Variants in CACHD1 observed in about 807,000 individuals in gnomAD.
CACHD1 encodes VWFA and cache domain-containing protein 1.
In CACHD1, 71 loss-of-function variants were observed where a neutral mutation model predicts 138.7. The ratio of observed to expected loss-of-function variants is 0.51; its 90% CI spans 0.42 to 0.62. The LOEUF (loss-of-function observed/expected upper bound fraction) is 0.62. Among genes scored for constraint, CACHD1 ranks in the 20% least tolerant of loss-of-function variants. The pLI is 0.00. For missense variants in CACHD1, 1,389 were observed against 1,625.3 expected (o/e 0.85, Z 2.50); for synonymous variants, 578 against 591.5 (o/e 0.98, Z 0.33).
rs376228297 is a variant in CACHD1, at chr1:64,646,386, G to A, written c.1157-1415G>A. 2.0e-5 allele frequency among the ~76,000 whole-genome samples: 3 copies of A among 152,118 alleles called. No homozygotes were observed. The East Asian group carries it at 5.8e-4, about 29-fold the overall frequency. On this transcript the variant is annotated intron_variant, in intron 8 of 26. Coordinates refer to ENST00000651257, the MANE Select transcript of CACHD1 (RefSeq NM_020925.4). Reference sequence around the variant, plus strand: ...GTATTTTTTGCTTTCCTTTAGCATTGCATGAGTGGAGCAAAAGTCAAGTTT... The same window carrying A: ...GTATTTTTTGCTTTCCTTTAGCATTACATGAGTGGAGCAAAAGTCAAGTTT...
At chr1:64,481,947 A>G (rs906519440) in intron 1 of CACHD1, among the ~76,000 whole-genome samples, 1 of 152,186 alleles carries the variant, frequency 6.6e-6, no homozygotes, top group African/African-American at 2.4e-5. Flanking sequence ...ATATAGGAAA[A>G]AATATATTAC....
At chr1:64,590,138 T>C (rs539869388) in intron 3 of CACHD1, among the ~76,000 whole-genome samples, 205 of 152,062 alleles carry the variant, frequency 1.3e-3, no homozygotes, top group African/African-American at 4.8e-3. Context: ...AAAACCCGTC[T>C]CTACTAAAAA....
rs1302976367 is a variant in CACHD1, at chr1:64,673,435, A to G, written c.2698A>G (p.Arg900Gly). 6.2e-7 allele frequency: 1 copy of G among 1,613,988 alleles called. No individual in the cohort carries two copies. Among genetic ancestry groups the G allele is most frequent in the African/African-American group, 1.3e-5 (1 of 74,906 alleles). Reference sequence around the variant, plus strand: ...CAGCTTCAGTGACAGAACGGTCCAGAGGTTTTATAAATTCAACACCAGCCT... The same window carrying G: ...CAGCTTCAGTGACAGAACGGTCCAGGGGTTTTATAAATTCAACACCAGCCT... ...CNSFSDRTVQ[R>G]FYKFNTSLAG... The change falls in exon 19 of 27, where the codon AGG (arginine) becomes GGG (glycine). Residue 900 changes from arginine to glycine, a missense_variant. Around this residue, in one of 5 missense-constraint regions of CACHD1, gnomAD observed 50 missense variants for 108.2 expected, o/e 0.46. Transcript: ENST00000651257.
At chr1:64,681,573 T>C (rs1650193588) in intron 25 of CACHD1, among the ~76,000 whole-genome samples, 1 of 145,952 alleles carries the variant, frequency 6.9e-6, no homozygotes, top group Non-Finnish European at 1.5e-5. Context: ...TTGCATTAAG[T>C]GTGTTGGCCT....
chr1:64,524,187 T>A (rs1176659453), intron 1 of CACHD1, among the ~76,000 whole-genome samples: 1 of 152,218 alleles, frequency 6.6e-6, no homozygotes, highest in Non-Finnish European at 1.5e-5. Flanking sequence ...CTGACTCTTT[T>A]GTTTTTGTTT....
chr1:64,509,235 A>G (rs1435226977), intron 1 of CACHD1, among the ~76,000 whole-genome samples: 1 of 152,028 alleles, frequency 6.6e-6, no homozygotes, highest in Non-Finnish European at 1.5e-5. Context: ...AACTCCCTCT[A>G]CCTTGGCATC....
chr1:64,675,687 A>G (rs1649962337), intron 20 of CACHD1, 126 bp downstream of exon 20: 2 of 1,200,890 alleles, frequency 1.7e-6, no homozygotes, highest in African/African-American at 3.0e-5. Flanking sequence ...AGTCACAGTT[A>G]CAAAGCCACT....
intron 1 of CACHD1, among the ~76,000 whole-genome samples, chr1:64,505,552 C>T (rs1317552950): frequency 1.4e-5 from 2 of 143,918 alleles, no homozygotes; most frequent in Non-Finnish European, 3.1e-5. Context: ...CGCCCCGCCC[C>T]GCCCCCTCCT....
intron 8 of CACHD1, among the ~76,000 whole-genome samples, chr1:64,646,173 A>C (rs953175958): frequency 6.6e-6 from 1 of 152,090 alleles, no homozygotes; most frequent in Non-Finnish European, 1.5e-5. Flanking sequence ...AAAGAAGGGA[A>C]ATTTAGTTAT....
In CACHD1 at chr1:64,543,866, C is replaced by CTTTTT. The variant is rs370129207; in HGVS notation, c.199-6709_199-6705dup. 1.5e-3 allele frequency among the ~76,000 whole-genome samples: 118 copies of CTTTTT among 77,464 alleles called. 1 individual carries two copies. The highest frequency in any genetic ancestry group is 0.013 in the Middle Eastern group (1 of 76). The allele number at this position is 77,464 out of a possible 152,430, so 50.8% of individuals were successfully genotyped here. On this transcript the variant is annotated intron_variant, in intron 1 of 26. Coordinates refer to ENST00000651257, the MANE Select transcript of CACHD1 (RefSeq NM_020925.4). ...GTTTTCATTAATTACCTTTTCAGTG[C>CTTTTT]TTTTTTTTTTTTTTTTTTTTTTTGG...
intron 1 of CACHD1, among the ~76,000 whole-genome samples, chr1:64,537,226 C>T (rs1033355145): frequency 4.0e-5 from 6 of 151,298 alleles, no homozygotes; most frequent in East Asian, 3.9e-4. Flanking sequence ...CCGATGATTG[C>T]GTTTTCCCCT....
Position 64,666,675 on chromosome 1 carries a change from C to T in CACHD1, c.2387+508C>T, listed in dbSNP as rs369029366. ...GCGGATCACTTGAGACCAGGAGTTC[C>T]GGACCAGCCTGAGCAACATAGCGAG... On this transcript the variant is annotated intron_variant, in intron 16 of 26. Transcript: ENST00000651257. Among the ~76,000 whole-genome samples the T allele has an allele frequency of 4.2e-4, 63 of 151,674 alleles. No individual in the cohort carries two copies. In the South Asian group the frequency reaches 0.013, roughly 31 times the overall value.
At chr1:64,566,479 T>TCCAC (rs1491151032) in intron 2 of CACHD1, among the ~76,000 whole-genome samples, 1 of 120,646 alleles carries the variant, frequency 8.3e-6, no homozygotes, top group Non-Finnish European at 1.8e-5. Context: ...TGTTTTCAAT[T>TCCAC]CCCCCCCCCC....
At chr1:64,651,938 G>A (rs559532269) in intron 9 of CACHD1, among the ~76,000 whole-genome samples, 2 of 151,758 alleles carry the variant, frequency 1.3e-5, no homozygotes, top group Admixed American at 1.3e-4. Flanking sequence ...AATTAACTGC[G>A]CTATCTGAGC....
chr1:64,666,627 A>T (rs989067533), intron 16 of CACHD1, among the ~76,000 whole-genome samples: 2 of 152,118 alleles, frequency 1.3e-5, no homozygotes, highest in Non-Finnish European at 2.9e-5. Context: ...TTGTAATCCC[A>T]GCACCTTGAG....
chr1:64,487,334 C>G (rs1225753049), intron 1 of CACHD1, among the ~76,000 whole-genome samples: 1 of 152,154 alleles, frequency 6.6e-6, no homozygotes, highest in Non-Finnish European at 1.5e-5. Flanking sequence ...GGGCACCTTT[C>G]TCCCCCCAGG....
intron 15 of CACHD1, 44 bp downstream of exon 15, chr1:64,664,723 C>A: frequency 6.4e-7 from 1 of 1,572,756 alleles, no homozygotes; most frequent in South Asian, 1.1e-5. Flanking sequence ...TCCCCCAAAT[C>A]CTGGAGAGAC....
At chr1:64,684,371 T>C (rs1650293093) in intron 26 of CACHD1, among the ~76,000 whole-genome samples, 1 of 147,556 alleles carries the variant, frequency 6.8e-6, no homozygotes, top group Non-Finnish European at 1.5e-5. Flanking sequence ...TTCTTTTTTT[T>C]TTTTTTTTTT....
At chr1:64,657,068 A>G (rs1253933571) in intron 12 of CACHD1, among the ~76,000 whole-genome samples, 5 of 152,186 alleles carry the variant, frequency 3.3e-5, no homozygotes, top group Admixed American at 2.6e-4. Flanking sequence ...AGATTACTCC[A>G]TCACTGTGTA....
Sources: allele counts gnomAD v4.1 joint callset (sites outside exome capture counted in the v4.1 genomes callset), GRCh38; gene constraint gnomAD v4.1.1; regional missense constraint gnomAD v4.1.1; transcripts MANE v1.5; gene names NCBI Gene and HGNC (gene_info 2026-07-23, HGNC 2026-07-21).